The following WDPCP variants were observed in gnomAD, a reference collection of about 807,000 sequenced individuals.
WDPCP encodes WD repeat-containing and planar cell polarity effector protein fritz homolog.
WDPCP carries 71 observed loss-of-function variants against 93.1 expected under a neutral mutation model. The observed-to-expected ratio is 0.76, with a 90% CI of 0.63 to 0.93. The LOEUF (loss-of-function observed/expected upper bound fraction) is 0.93, where lower values mean the gene tolerates loss of function less well. Ranked by LOEUF, WDPCP falls within the 40% of genes least tolerant of loss-of-function variation. The pLI, the probability that WDPCP is intolerant of heterozygous loss-of-function variation, is 0.00. For synonymous variants in WDPCP, 315 were observed against 315.0 expected (o/e 1.00, Z 0.00); for missense variants, 844 against 887.4 (o/e 0.95, Z 0.62).
In WDPCP at chr2:63,159,685, C is replaced by A. The variant is rs574494336; in HGVS notation, c.2079-6111G>T. 3.2e-4 allele frequency among the ~76,000 whole-genome samples: 49 copies of A among 152,284 alleles called. No individual in the cohort carries two copies. In the South Asian group the frequency reaches 6.0e-3, roughly 19 times the overall value. On this transcript the variant is annotated intron_variant, in intron 15 of 17. Coordinates refer to ENST00000272321, the MANE Select transcript of WDPCP (RefSeq NM_015910.7). ...AGCTATGGTATGTCAGTTTACTTTT[C>A]AAAGCCTCTTTGCAGGGCTGTTTGT...
intron 2 of WDPCP, among the ~76,000 whole-genome samples, chr2:63,789,600 G>A (rs1051032213): frequency 6.6e-5 from 10 of 152,172 alleles, no homozygotes; most frequent in African/African-American, 1.4e-4. Flanking sequence ...GTGGGAAGCC[G>A]AGATAGCAAA....
At chr2:63,581,262 A>C (rs1426710957) in intron 1 of WDPCP, among the ~76,000 whole-genome samples, 1 of 152,190 alleles carries the variant, frequency 6.6e-6, no homozygotes, top group Non-Finnish European at 1.5e-5. Flanking sequence ...ACTTGAGTTG[A>C]GCAGACAGAA....
chr2:63,814,731 T>G (rs1215064402), intron 1 of WDPCP, among the ~76,000 whole-genome samples: 1 of 152,240 alleles, frequency 6.6e-6, no homozygotes, highest in East Asian at 1.9e-4. Flanking sequence ...AACAGCACTA[T>G]GTGTCTTTAA....
At chr2:63,244,197 G>A (rs551458819) in intron 14 of WDPCP, among the ~76,000 whole-genome samples, 9 of 152,124 alleles carry the variant, frequency 5.9e-5, no homozygotes, top group South Asian at 4.1e-4. Context: ...ACAACTTACC[G>A]AAATCTCTGG....
upstream of WDPCP, among the ~76,000 whole-genome samples, chr2:63,829,060 C>CA (rs1433181198): frequency 6.6e-6 from 1 of 151,972 alleles, no homozygotes; most frequent in Non-Finnish European, 1.5e-5. Context: ...TTTAAAAACT[C>CA]AAACATTATA....
At chr2:63,291,528 G>A (rs879403279) in intron 13 of WDPCP, among the ~76,000 whole-genome samples, 1 of 152,190 alleles carries the variant, frequency 6.6e-6, no homozygotes, top group Non-Finnish European at 1.5e-5. Flanking sequence ...CAAAGAGGAG[G>A]CTGGGCATGG....
chr2:63,487,323 G>T, intron 3 of WDPCP, 124 bp downstream of exon 3: 1 of 667,738 alleles, frequency 1.5e-6, no homozygotes, highest in Non-Finnish European at 2.6e-6. Flanking sequence ...AAGAACTGAA[G>T]GGACTTTTCT....
At chr2:63,502,322 T>C (rs541986433) in intron 1 of WDPCP, among the ~76,000 whole-genome samples, 1 of 152,332 alleles carries the variant, frequency 6.6e-6, no homozygotes, top group East Asian at 1.9e-4. Context: ...TAACCATCTG[T>C]TTCTAATTTT....
intron 12 of WDPCP, among the ~76,000 whole-genome samples, chr2:63,367,377 C>T (rs938056426): frequency 1.3e-5 from 2 of 152,068 alleles, no homozygotes; most frequent in Non-Finnish European, 2.9e-5. Context: ...TATGACAATA[C>T]ATATCAAGAT....
intron 2 of WDPCP, among the ~76,000 whole-genome samples, chr2:63,704,952 A>G (rs572961282): frequency 6.6e-6 from 1 of 152,268 alleles, no homozygotes; most frequent in South Asian, 2.1e-4. Context: ...TTGGTAAGCT[A>G]TTAATTATTG....
At chr2:63,273,172 T>C (rs556676747) in intron 13 of WDPCP, among the ~76,000 whole-genome samples, 1 of 151,896 alleles carries the variant, frequency 6.6e-6, no homozygotes, top group Non-Finnish European at 1.5e-5. Context: ...GAAAAATAAA[T>C]AAAATGTTTC....
intron 1 of WDPCP, among the ~76,000 whole-genome samples, chr2:63,521,677 C>T (rs1463575516): frequency 3.3e-5 from 5 of 152,080 alleles, no homozygotes; most frequent in Non-Finnish European, 7.4e-5. Context: ...CCAAAGGGAC[C>T]TAATAGACAT....
intron 3 of WDPCP, among the ~76,000 whole-genome samples, chr2:63,624,430 C>A (rs1304151784): frequency 6.6e-6 from 1 of 152,002 alleles, no homozygotes; most frequent in Non-Finnish European, 1.5e-5. Flanking sequence ...AGATAGACCT[C>A]TAGCCAGACT....
chr2:63,372,367 C>T (rs1294902339), intron 12 of WDPCP, among the ~76,000 whole-genome samples: 1 of 152,156 alleles, frequency 6.6e-6, no homozygotes, highest in Non-Finnish European at 1.5e-5. Flanking sequence ...GGCAAATATA[C>T]AAACTTCTGT....
At chr2:63,173,343 C>T (rs1389058282) in intron 15 of WDPCP, among the ~76,000 whole-genome samples, 1 of 152,016 alleles carries the variant, frequency 6.6e-6, no homozygotes, top group Non-Finnish European at 1.5e-5. Context: ...TCCAGCCTCT[C>T]CCTGTTGAAT....
intron 6 of WDPCP, among the ~76,000 whole-genome samples, chr2:63,480,774 A>G (rs1012052998): frequency 6.6e-6 from 1 of 152,228 alleles, no homozygotes; most frequent in Non-Finnish European, 1.5e-5. Flanking sequence ...ACCTGAAACT[A>G]TAAAAATTCT....
intron 6 of WDPCP, among the ~76,000 whole-genome samples, chr2:63,460,315 G>A (rs1698919209): frequency 6.6e-6 from 1 of 152,126 alleles, no homozygotes. Context: ...AGAAGGCACA[G>A]ATACCAAAGA....
In WDPCP at chr2:63,685,493, C is replaced by A. The variant is rs376502259; in HGVS notation, n.309-34655G>T. On this transcript the variant is annotated intron_variant and non_coding_transcript_variant, in intron 2 of 4. Coordinates refer to the WDPCP transcript ENST00000467687. Reference sequence around the variant, plus strand: ...TCCCAGCGAAGAAAAGCCCAGGACCCAGTGGCTTCACGGCTGAATTCTACG... The same window carrying A: ...TCCCAGCGAAGAAAAGCCCAGGACCAAGTGGCTTCACGGCTGAATTCTACG... 3.3e-5 allele frequency among the ~76,000 whole-genome samples: 5 copies of A among 152,266 alleles called. No homozygotes were observed. In the South Asian group the frequency reaches 8.3e-4, roughly 25 times the overall value.
chr2:63,528,201 G>T (rs1367950158), intron 1 of WDPCP, among the ~76,000 whole-genome samples: 1 of 152,140 alleles, frequency 6.6e-6, no homozygotes, highest in Non-Finnish European at 1.5e-5. Context: ...CTTTTCCTGT[G>T]CAGAAGCTCT....
Sources: allele counts gnomAD v4.1 joint callset (sites outside exome capture counted in the v4.1 genomes callset), GRCh38; gene constraint gnomAD v4.1.1; transcripts MANE v1.5; gene names NCBI Gene and HGNC (gene_info 2026-07-23, HGNC 2026-07-21).